GOLGA1: variants seen among roughly 807,000 people sequenced by gnomAD.
GOLGA1 encodes golgin A1.
Under a neutral mutation model 119.7 loss-of-function variants are expected in GOLGA1, and 63 were observed. The observed-to-expected ratio is 0.53, with a 90% CI of 0.43 to 0.65. GOLGA1 has a LOEUF of 0.65. GOLGA1 is among the 30% of genes least tolerant of loss of function. GOLGA1 has a pLI of 0.00. For missense variants in GOLGA1, 798 were observed against 912.8 expected (o/e 0.87, Z 1.62); for synonymous variants, 318 against 333.4 (o/e 0.95, Z 0.50).
upstream of GOLGA1, among the ~76,000 whole-genome samples, chr9:124,941,939 G>A (rs527887722): frequency 2.0e-5 from 3 of 152,156 alleles, no homozygotes; most frequent in Admixed American, 6.5e-5. Flanking sequence ...AATCATGCAG[G>A]CAGTAGGAAA....
intron 10 of GOLGA1, among the ~76,000 whole-genome samples, chr9:124,917,304 A>G (rs1213702218): frequency 6.6e-6 from 1 of 152,168 alleles, no homozygotes; most frequent in East Asian, 1.9e-4. Context: ...GCCTTATTAT[A>G]CTTTCTATCA....
At chr9:124,882,973 G>A (rs1171980694) in intron 19 of GOLGA1, among the ~76,000 whole-genome samples, 4 of 152,120 alleles carry the variant, frequency 2.6e-5, no homozygotes, top group Non-Finnish European at 4.4e-5. Flanking sequence ...GAGGACTTAC[G>A]GTTCTCATCA....
intron 12 of GOLGA1, among the ~76,000 whole-genome samples, chr9:124,902,178 C>T (rs1469393061): frequency 6.6e-6 from 1 of 152,086 alleles, no homozygotes; most frequent in Non-Finnish European, 1.5e-5. Context: ...GTGGCATGAT[C>T]TCGGCTCACT....
At chr9:124,884,374 C>T (rs1407302341) in intron 19 of GOLGA1, among the ~76,000 whole-genome samples, 7 of 152,174 alleles carry the variant, frequency 4.6e-5, no homozygotes. Context: ...CTTCCATGTA[C>T]CCCCAGTCCA....
Position 124,921,747 on chromosome 9 carries a change from T to C in GOLGA1, c.707A>G (p.His236Arg), listed in dbSNP as rs1028130445. 3.1e-6 allele frequency: 5 copies of C among 1,613,838 alleles called. No homozygotes were observed. Among genetic ancestry groups the C allele is most frequent in the Middle Eastern group, 1.6e-4 (1 of 6,084 alleles). ...LSQKLEELQR[H>R]YSTLEEQRDH... ...CCTCTGCTCTTCCAGCGTTGAGTAG[T>C]GTCTCTGCAATTCTTCTAGCTTCTG... Residue 236 changes from histidine (H) to arginine (R), a missense_variant, in exon 9 of 23, where the codon CAC becomes CGC. By Grantham distance (29) the His-to-Arg change is conservative. Transcript: ENST00000373555.
chr9:124,896,649 C>G (rs1829993100), intron 15 of GOLGA1, among the ~76,000 whole-genome samples: 1 of 151,840 alleles, frequency 6.6e-6, no homozygotes. Context: ...TGCTTAAGAC[C>G]TGCCATAGCT....
intron 7 of GOLGA1, among the ~76,000 whole-genome samples, chr9:124,925,855 T>C (rs937822212): frequency 2.6e-5 from 4 of 152,244 alleles, no homozygotes; most frequent in South Asian, 2.1e-4. Context: ...AATTGTAGAC[T>C]TGAAATTTCA....
chr9:124,933,679 T>C (rs949591592), intron 3 of GOLGA1, among the ~76,000 whole-genome samples: 2 of 152,212 alleles, frequency 1.3e-5, no homozygotes, highest in African/African-American at 4.8e-5. Context: ...TCCCCCAAAG[T>C]GCTGGGATTA....
At chr9:124,914,561 C>G (rs1830404203) in intron 10 of GOLGA1, among the ~76,000 whole-genome samples, 1 of 152,236 alleles carries the variant, frequency 6.6e-6, no homozygotes, top group East Asian at 1.9e-4. Context: ...AGAACATTAC[C>G]TGATTTCAAC....
chr9:124,906,693 AGT>A (rs959982266), intron 12 of GOLGA1, among the ~76,000 whole-genome samples: 1 of 152,184 alleles, frequency 6.6e-6, no homozygotes, highest in African/African-American at 2.4e-5. Context: ...TGGAGGTTGC[AGT>A]GAGCCGAGAT....
Position 124,899,346 on chromosome 9 carries a change from T to C in GOLGA1, c.1294A>G (p.Thr432Ala). 2 of 1,548,990 alleles carry C rather than the reference T, an allele frequency of 1.3e-6. No homozygotes were observed. Among genetic ancestry groups the C allele is most frequent in the Non-Finnish European group, 1.7e-6 (2 of 1,146,704 alleles). ...LERTRAADQT[T>A]AEQGMRQLEQ... The stretch of plus-strand genomic sequence containing the variant: ...TCACTCACCATCCCTTGCTCTGCGG[T>C]GGTCTGGTCAGCTGCCCGCGTTCTC... Residue 432 changes from threonine (T) to alanine (A), a missense_variant, in exon 14 of 23, where the codon ACC (threonine) becomes GCC (alanine). Transcript: ENST00000373555.
chr9:124,940,095 C>T lies in GOLGA1; in HGVS notation c.-156+11G>A, dbSNP rs187469869. 3.0e-4 allele frequency: 45 copies of T among 152,270 alleles called. No individual in the cohort carries two copies. The highest frequency in any genetic ancestry group is 1.0e-3 in the African/African-American group (42 of 41,550). The allele number at this position is 152,270 out of a possible 1,614,324, so 9.4% of individuals were successfully genotyped here. On this transcript the variant is annotated intron_variant, in intron 2 of 22. Coordinates refer to ENST00000373555, the MANE Select transcript of GOLGA1 (RefSeq NM_002077.4). ...AACTTTACTTTCAATGTGTGTAAAC[C>T]ACTTACTCACCTGGCTTATCTACTA...
rs937405996 is a variant in GOLGA1, at chr9:124,946,389, T to G, written c.-156+1529A>C. ...TGAATCAGCAAATGTAACATTTTTT[T>G]GGGTGGTAAAACAGACTCCTGAGAT... On this transcript the variant is annotated intron_variant, in intron 1 of 4. Transcript: ENST00000421514. This position sits in a 1 kb window ranked among gnomAD's most constrained non-coding sequence, Gnocchi z 4.0. 1 of 152,238 alleles carries G rather than the reference T, an allele frequency of 6.6e-6. No homozygotes were observed. The highest frequency in any genetic ancestry group is 2.4e-5 in the African/African-American group (1 of 41,468). 9.4% of individuals were successfully genotyped at this position (152,238 alleles called of 1,614,324 possible).
intron 15 of GOLGA1, among the ~76,000 whole-genome samples, chr9:124,892,308 T>G (rs1451867381): frequency 6.6e-6 from 1 of 152,178 alleles, no homozygotes; most frequent in African/African-American, 2.4e-5. Flanking sequence ...ATTTCTTCCT[T>G]GAGTTTGATT....
At position 124,888,151 on chromosome 9, in the gene GOLGA1, C is replaced by T. The variant is rs551828688; in HGVS notation, c.1905+102G>A. 20 of 1,072,704 alleles carry T rather than the reference C, an allele frequency of 1.9e-5. No individual in the cohort carries two copies. Among genetic ancestry groups the T allele is most frequent in the South Asian group, 1.8e-4 (13 of 72,160 alleles). 66.4% of individuals were successfully genotyped at this position (1,072,704 alleles called of 1,614,324 possible). On this transcript the variant is annotated intron_variant, in intron 19 of 22. Transcript: ENST00000373555. The surrounding 1 kb of genome is among the most constrained non-coding windows in gnomAD (Gnocchi z 4.4). ...GAGGGGTCATGGTTGCCAGGAGGTG[C>T]GGGGGAAACCACAAAAACCTCCAAG...
chr9:124,915,123 G>A (rs898566325), intron 10 of GOLGA1, among the ~76,000 whole-genome samples: 13 of 152,094 alleles, frequency 8.5e-5, no homozygotes, highest in African/African-American at 2.9e-4. Context: ...CACAGTTATA[G>A]TCCCAGAATA....
intron 12 of GOLGA1, among the ~76,000 whole-genome samples, chr9:124,903,209 T>C (rs1830146722): frequency 6.6e-6 from 1 of 152,122 alleles, no homozygotes; most frequent in South Asian, 2.1e-4. Flanking sequence ...GGGTGTGGGT[T>C]GGGTGCGGTG....
At chr9:124,915,307 T>C (rs977146021) in intron 10 of GOLGA1, among the ~76,000 whole-genome samples, 3 of 152,178 alleles carry the variant, frequency 2.0e-5, no homozygotes, top group Admixed American at 2.0e-4. Context: ...CAAAGGGTAG[T>C]TGTGAGGACT....
At chr9:124,883,439 C>T (rs774248416) in intron 19 of GOLGA1, among the ~76,000 whole-genome samples, 7 of 152,092 alleles carry the variant, frequency 4.6e-5, no homozygotes, top group Non-Finnish European at 1.0e-4. Context: ...TTGTGTGCCA[C>T]CACACCCAGC....
Sources: allele counts gnomAD v4.1 joint callset (sites outside exome capture counted in the v4.1 genomes callset), GRCh38; gene constraint gnomAD v4.1.1; non-coding constraint Gnocchi (gnomAD v3.1); transcripts MANE v1.5; gene names NCBI Gene and HGNC (gene_info 2026-07-23, HGNC 2026-07-21).